The following BABAM2 variants were observed in gnomAD, a reference collection of about 807,000 sequenced individuals.
The protein encoded by BABAM2 is BRISC and BRCA1 A complex member 2, also known as BRISC and BRCA1-A complex member 2.
In BABAM2, 31 loss-of-function variants were observed where a neutral mutation model predicts 54.7. The ratio of observed to expected loss-of-function variants is 0.57; its 90% CI spans 0.43 to 0.77. The LOEUF (loss-of-function observed/expected upper bound fraction) is 0.77, where lower values mean the gene tolerates loss of function less well. Ranked by LOEUF, BABAM2 falls within the 30% of genes least tolerant of loss-of-function variation. The pLI is 0.00. For missense variants in BABAM2, 364 were observed against 455.8 expected (o/e 0.80, Z 1.83); for synonymous variants, 167 against 162.9 (o/e 1.03, Z -0.19).
At chr2:28,199,375 G>T (rs1018353555) in intron 7 of BABAM2, among the ~76,000 whole-genome samples, 2 of 152,168 alleles carry the variant, frequency 1.3e-5, no homozygotes, top group African/African-American at 4.8e-5. Flanking sequence ...GCCTACATTT[G>T]CTGTTTGAGT....
At chr2:28,061,307 C>T (rs1678841967) in intron 6 of BABAM2, among the ~76,000 whole-genome samples, 1 of 151,628 alleles carries the variant, frequency 6.6e-6, no homozygotes, top group African/African-American at 2.4e-5. Context: ...GAGAAAAGGC[C>T]TGGTGCGGTG....
chr2:27,899,737 G>A lies in BABAM2; in HGVS notation c.128+5053G>A, dbSNP rs545877394. ...CCACCTTGGCCTCCCAAAGTGCTGG[G>A]ATTACAGGCGTGAGCCACTGTGCCT... On this transcript the variant is annotated intron_variant, in intron 2 of 11. Transcript: ENST00000379624. 2.6e-4 allele frequency among the ~76,000 whole-genome samples: 39 copies of A among 152,250 alleles called. No individual in the cohort carries two copies. The East Asian group carries it at 4.8e-3, about 19-fold the overall frequency.
chr2:28,011,461 C>G (rs1674392267), intron 4 of BABAM2, among the ~76,000 whole-genome samples: 1 of 152,130 alleles, frequency 6.6e-6, no homozygotes. Flanking sequence ...AGTTGTGTTA[C>G]TAGGACATTG....
chr2:27,914,467 T>C (rs917593890), intron 2 of BABAM2, among the ~76,000 whole-genome samples: 7 of 152,246 alleles, frequency 4.6e-5, no homozygotes, highest in African/African-American at 1.7e-4. Context: ...TTCTTCTGAA[T>C]GTGATCCAGT....
intron 10 of BABAM2, among the ~76,000 whole-genome samples, chr2:28,294,702 T>C (rs1023843605): frequency 3.9e-5 from 6 of 152,236 alleles, no homozygotes; most frequent in Admixed American, 6.5e-5. Flanking sequence ...CTCATTCTTA[T>C]GCATAGAACA....
rs1365191402 is a variant in BABAM2 at position 28,260,948 on chromosome 2, T to C, written c.934+16086T>C. Among the ~76,000 whole-genome samples the C allele has an allele frequency of 3.4e-4, 50 of 149,032 alleles. 1 individual carries two copies. Among genetic ancestry groups the C allele is most frequent in the Middle Eastern group, 6.8e-3 (2 of 292 alleles). ...AAATTTTTCATTTTCTTTCTTTTTTTTTTTTTTTTTTGAGATGACGTCTCA... is the reference window on the plus strand; with the variant it reads ...AAATTTTTCATTTTCTTTCTTTTTTCTTTTTTTTTTTGAGATGACGTCTCA... On this transcript the variant is annotated intron_variant, in intron 10 of 11. Coordinates refer to ENST00000379624, the MANE Select transcript of BABAM2 (RefSeq NM_199191.3).
chr2:28,232,469 C>T (rs75225803), intron 7 of BABAM2, among the ~76,000 whole-genome samples: 9,454 of 152,230 alleles, frequency 0.062, 430 homozygotes, highest in Non-Finnish European at 0.094. Flanking sequence ...GGCCAGGACA[C>T]GTTCTGAGAA....
intron 7 of BABAM2, among the ~76,000 whole-genome samples, chr2:28,222,810 T>C (rs1470126289): frequency 1.3e-5 from 2 of 152,188 alleles, no homozygotes; most frequent in East Asian, 3.8e-4. Context: ...GTGTCACTGG[T>C]TTAAAGAAAG....
At chr2:28,211,992 GTC>G (rs1258766661) in intron 7 of BABAM2, among the ~76,000 whole-genome samples, 2 of 151,810 alleles carry the variant, frequency 1.3e-5, no homozygotes, top group Non-Finnish European at 2.9e-5. Context: ...TTTCCCATAA[GTC>G]TCTTAATCTA....
intron 7 of BABAM2, among the ~76,000 whole-genome samples, chr2:28,136,772 G>A (rs928748468): frequency 1.3e-5 from 2 of 152,258 alleles, no homozygotes; most frequent in South Asian, 2.1e-4. Context: ...AGCAAACATG[G>A]TCTCTTGGAA....
intron 7 of BABAM2, among the ~76,000 whole-genome samples, chr2:28,169,712 G>T (rs1012450021): frequency 4.0e-5 from 6 of 151,580 alleles, no homozygotes; most frequent in Non-Finnish European, 7.4e-5. Flanking sequence ...AGAGGTCAAG[G>T]CTGCTATGAG....
chr2:28,005,598 C>G (rs576190021), intron 4 of BABAM2, among the ~76,000 whole-genome samples: 4 of 152,056 alleles, frequency 2.6e-5, no homozygotes, highest in Non-Finnish European at 5.9e-5. Context: ...TAATTGCATA[C>G]CTTCTTTAAC....
At chr2:28,103,865 G>T (rs1403943811) in intron 6 of BABAM2, among the ~76,000 whole-genome samples, 2 of 152,090 alleles carry the variant, frequency 1.3e-5, no homozygotes, top group African/African-American at 4.8e-5. Context: ...TTGGCCTTTG[G>T]CTTTTCTTAT....
chr2:28,178,787 C>G (rs1308426629), intron 7 of BABAM2, among the ~76,000 whole-genome samples: 1 of 150,448 alleles, frequency 6.6e-6, no homozygotes, highest in Non-Finnish European at 1.5e-5. Flanking sequence ...TAAACAAAAT[C>G]AGAAACAAAA....
intron 11 of BABAM2, among the ~76,000 whole-genome samples, chr2:28,335,624 G>C (rs112864540): frequency 1.1e-4 from 16 of 152,344 alleles, no homozygotes; most frequent in Middle Eastern, 3.4e-3. Flanking sequence ...ATGTGCTCCC[G>C]CTTTCCAGGG....
At chr2:28,302,123 T>C (rs1472901772) in intron 11 of BABAM2, among the ~76,000 whole-genome samples, 3 of 152,168 alleles carry the variant, frequency 2.0e-5, no homozygotes, top group Non-Finnish European at 4.4e-5. Context: ...GTTTAAGATT[T>C]AGCTGTTATG....
At chr2:28,173,240 G>GT (rs1674554798) in intron 7 of BABAM2, among the ~76,000 whole-genome samples, 1 of 152,116 alleles carries the variant, frequency 6.6e-6, no homozygotes, top group Admixed American at 6.6e-5. Flanking sequence ...CCTGGTACAG[G>GT]TTACCATTTA....
chr2:28,133,943 G>T (rs1257841543), intron 7 of BABAM2, among the ~76,000 whole-genome samples: 1 of 152,146 alleles, frequency 6.6e-6, no homozygotes, highest in Non-Finnish European at 1.5e-5. Context: ...TGGTGTCCCT[G>T]GCAGCCCTGC....
intron 5 of BABAM2, among the ~76,000 whole-genome samples, chr2:28,044,251 C>A (rs895010799): frequency 4.6e-5 from 7 of 152,000 alleles, no homozygotes; most frequent in Non-Finnish European, 7.4e-5. Flanking sequence ...TTTTTTGAGA[C>A]GGAGTTTCGC....
Sources: gnomAD v4.1 joint callset for allele counts (sites outside exome capture counted in the v4.1 genomes callset) on GRCh38, gnomAD v4.1.1 for gene constraint, MANE v1.5 for transcripts, NCBI Gene and HGNC (gene_info 2026-07-23, HGNC 2026-07-21) for gene names.